The following MYO5A variants were observed in gnomAD, a reference collection of about 807,000 sequenced individuals.
The protein encoded by MYO5A is myosin VA, also known as unconventional myosin-Va.
Under a neutral mutation model 249.7 loss-of-function variants are expected in MYO5A, and 98 were observed. The observed-to-expected ratio is 0.39, with a 90% CI of 0.33 to 0.46. The LOEUF (loss-of-function observed/expected upper bound fraction) is 0.46, where lower values mean the gene tolerates loss of function less well. MYO5A is among the 20% of genes least tolerant of loss of function. MYO5A has a pLI of 0.98. For missense variants in MYO5A, 1,696 were observed against 2,308.8 expected, an observed-to-expected ratio of 0.73 and a Z score of 5.44; for synonymous variants, 778 against 810.6, an observed-to-expected ratio of 0.96 and a Z score of 0.68.
intron 1 of MYO5A, among the ~76,000 whole-genome samples, chr15:52,482,192 G>A (rs2141496323): frequency 6.6e-6 from 1 of 152,260 alleles, no homozygotes; most frequent in South Asian, 2.1e-4. Flanking sequence ...GAACTTCCTG[G>A]ATATAGCAAC....
At chr15:52,518,531 A>G (rs2077543516) in intron 1 of MYO5A, among the ~76,000 whole-genome samples, 1 of 152,222 alleles carries the variant, frequency 6.6e-6, no homozygotes, top group South Asian at 2.1e-4. Flanking sequence ...CTCCAGAAAA[A>G]TTCTGCTCCC....
At chr15:52,475,483 G>C (rs1409258015) in intron 1 of MYO5A, among the ~76,000 whole-genome samples, 1 of 152,132 alleles carries the variant, frequency 6.6e-6, no homozygotes, top group African/African-American at 2.4e-5. Flanking sequence ...TGATGTTAGG[G>C]TGTCAATTTT....
chr15:52,481,776 G>A (rs1279660064), intron 1 of MYO5A, among the ~76,000 whole-genome samples: 1 of 152,134 alleles, frequency 6.6e-6, no homozygotes, highest in African/African-American at 2.4e-5. Flanking sequence ...AGAAATGAGA[G>A]GCCAGAGAGA....
intron 5 of MYO5A, among the ~76,000 whole-genome samples, chr15:52,413,738 T>C (rs1412314264): frequency 6.6e-6 from 1 of 152,220 alleles, no homozygotes; most frequent in East Asian, 1.9e-4. Context: ...TGAGATGCCC[T>C]TTTTTGTAGT....
intron 12 of MYO5A, among the ~76,000 whole-genome samples, chr15:52,391,185 T>C (rs1567081111): frequency 1.3e-5 from 2 of 152,236 alleles, no homozygotes; most frequent in African/African-American, 2.4e-5. Flanking sequence ...TGAGTATATA[T>C]GCAATATTCA....
intron 1 of MYO5A, among the ~76,000 whole-genome samples, chr15:52,515,287 A>AAAGG (rs1555388951): frequency 9.6e-5 from 2 of 20,816 alleles, no homozygotes; most frequent in Admixed American, 2.1e-3. Flanking sequence ...AAGAAAAAAA[A>AAAGG]AAGAAAGAAA....
Position 52,359,991 on chromosome 15 carries a change from C to T in MYO5A, c.3400G>A (p.Glu1134Lys). ...YIFSSEIAEM[E>K]DIPSRTEEPS... Reference sequence around the variant, plus strand: ...ACCTCTGTCCTTGATGGAATGTCTTCCATTTCTGCAATTTCAGAGCTAAAG... The same window carrying T: ...ACCTCTGTCCTTGATGGAATGTCTTTCATTTCTGCAATTTCAGAGCTAAAG... The change falls in exon 25 of 42, where the codon GAA (glutamate) becomes AAA (lysine). Residue 1134 changes from glutamate to lysine, a missense_variant. Glu to Lys is a moderately conservative substitution (Grantham distance 56). Transcript: ENST00000399233. 1.2e-6 allele frequency: 2 copies of T among 1,612,198 alleles called. No homozygotes were observed. The highest frequency in any genetic ancestry group is 1.7e-6 in the Non-Finnish European group (2 of 1,178,576).
In MYO5A at chr15:52,525,876, C is replaced by T. The variant is rs142489223; in HGVS notation, c.27+2904G>A. Among the ~76,000 whole-genome samples, 433 of 152,280 alleles carry T rather than the reference C, an allele frequency of 2.8e-3. 4 individuals are homozygous for T. The highest frequency in any genetic ancestry group is 9.7e-3 in the African/African-American group (403 of 41,546). ...TTGAGGTAACAGCAGGTTATTTATG[C>T]CCCTATAGATTCAAAGTGGGTCAAG... On this transcript the variant is annotated intron_variant, in intron 1 of 41. Transcript: ENST00000399233.
Position 52,397,311 on chromosome 15 carries a change from C to T in MYO5A, c.1209G>A (p.Leu403=). 4 of 1,613,990 alleles carry T rather than the reference C, an allele frequency of 2.5e-6. No individual in the cohort carries two copies. Among genetic ancestry groups the T allele is most frequent in the African/African-American group, 1.3e-5 (1 of 74,994 alleles). Residue 403 remains leucine, a synonymous_variant, in exon 10 of 42, where the codon TTG becomes TTA. Coordinates refer to ENST00000399233, the MANE Select transcript of MYO5A (RefSeq NM_001382347.1). ...KLQATNARDA[L]AKHIYAKLFN... Reference sequence around the variant, plus strand: ...AGAGCTTGGCATAGATGTGCTTGGCCAAAGCATCGCGGGCATTCGTGGCCT... The same window carrying T: ...AGAGCTTGGCATAGATGTGCTTGGCTAAAGCATCGCGGGCATTCGTGGCCT...
chr15:52,413,325 T>C (rs2043332077), intron 5 of MYO5A, among the ~76,000 whole-genome samples: 1 of 151,784 alleles, frequency 6.6e-6, no homozygotes, highest in African/African-American at 2.4e-5. Context: ...AAAAAAAAGT[T>C]TCAGTGTGCT....
intron 1 of MYO5A, among the ~76,000 whole-genome samples, chr15:52,527,650 G>A (rs920586147): frequency 2.0e-5 from 3 of 152,196 alleles, no homozygotes; most frequent in Non-Finnish European, 4.4e-5. Context: ...TTAGGAAATC[G>A]AACCAGAGAT....
At chr15:52,313,980 T>C (rs1418641392) in intron 41 of MYO5A, 132 bp from the exon 42 acceptor site, 2 of 1,346,364 alleles carry the variant, frequency 1.5e-6, no homozygotes, top group African/African-American at 2.9e-5. Context: ...ACTCACTTCA[T>C]TTTCCCAATT....
chr15:52,449,125 C>T (rs891083431), intron 1 of MYO5A, among the ~76,000 whole-genome samples: 3 of 151,796 alleles, frequency 2.0e-5, no homozygotes, highest in South Asian at 2.1e-4. Context: ...CGTGCCACCA[C>T]GCCTGGCTAA....
At position 52,367,131 on chromosome 15, in the gene MYO5A, A is replaced by T; in HGVS notation, c.3067-7T>A. On this transcript the variant is annotated splice_polypyrimidine_tract_variant and splice_region_variant and intron_variant, in intron 22 of 41. Coordinates refer to ENST00000399233, the MANE Select transcript of MYO5A (RefSeq NM_001382347.1). ...CCTTCAGATTTGATACCAGCTACGA[A>T]ATGAAACAATAAACTGAGATGGTTG... The T allele has an allele frequency of 6.2e-7, 1 of 1,610,148 alleles. No homozygotes were observed. Among genetic ancestry groups the T allele is most frequent in the Non-Finnish European group, 8.5e-7 (1 of 1,176,934 alleles).
intron 41 of MYO5A, 97 bp from the exon 42 acceptor site, chr15:52,313,945 T>C: frequency 6.8e-7 from 1 of 1,467,212 alleles, no homozygotes; most frequent in Non-Finnish European, 9.4e-7. Flanking sequence ...TCTCAACTAA[T>C]GAAGAATGTT....
chr15:52,329,905 A>ATTTTTTTTTTTTTTTTTTTTTTTTTTTT (rs58058940), intron 35 of MYO5A, among the ~76,000 whole-genome samples: 4 of 119,748 alleles, frequency 3.3e-5, no homozygotes, highest in Admixed American at 8.2e-5. Flanking sequence ...CGCCTGGGTA[A>ATTTTTTTTTTTTTTTTTTTTTTTTTTTT]TTTTTTTTTT....
At chr15:52,354,306 C>T (rs1003807417) in intron 25 of MYO5A, among the ~76,000 whole-genome samples, 7 of 152,180 alleles carry the variant, frequency 4.6e-5, no homozygotes, top group African/African-American at 1.4e-4. Context: ...TAAAAGTAGG[C>T]CTTTGAAACG....
At chr15:52,412,318 C>T (rs189953830) in intron 5 of MYO5A, among the ~76,000 whole-genome samples, 71 of 152,212 alleles carry the variant, frequency 4.7e-4, no homozygotes, top group African/African-American at 1.6e-3. Context: ...GCCCACCTGC[C>T]GAAACACCAC....
intron 1 of MYO5A, among the ~76,000 whole-genome samples, chr15:52,448,200 C>T (rs936698876): frequency 6.6e-6 from 1 of 152,254 alleles, no homozygotes; most frequent in African/African-American, 2.4e-5. Flanking sequence ...CTTGTGGGCC[C>T]ACTCCTTGCA....
Sources: gnomAD v4.1 joint callset for allele counts (sites outside exome capture counted in the v4.1 genomes callset) on GRCh38, gnomAD v4.1.1 for gene constraint, MANE v1.5 for transcripts, NCBI Gene and HGNC (gene_info 2026-07-23, HGNC 2026-07-21) for gene names.